IQSEC1: variants seen among roughly 807,000 people sequenced by gnomAD.
IQSEC1 encodes IQ motif and SEC7 domain-containing protein 1.
In IQSEC1, 31 loss-of-function variants were observed where a neutral mutation model predicts 91.0. The ratio of observed to expected loss-of-function variants is 0.34; its 90% CI spans 0.26 to 0.46. IQSEC1 has a LOEUF of 0.46. IQSEC1 is among the 20% of genes least tolerant of loss of function. The pLI, the probability that IQSEC1 is intolerant of heterozygous loss-of-function variation, is 1.00. For synonymous variants in IQSEC1, 699 were observed against 662.6 expected (o/e 1.05, Z -0.84); for missense variants, 1,388 against 1,575.6 (o/e 0.88, Z 2.02).
chr3:13,240,130 G>A (rs539305376), intron 1 of IQSEC1, among the ~76,000 whole-genome samples: 33 of 152,144 alleles, frequency 2.2e-4, no homozygotes, highest in African/African-American at 7.2e-4. Flanking sequence ...TATAATCCTA[G>A]CACTTTGGGA....
intron 2 of IQSEC1, among the ~76,000 whole-genome samples, chr3:13,160,692 T>C (rs1707158636): frequency 6.6e-6 from 1 of 152,242 alleles, no homozygotes; most frequent in Non-Finnish European, 1.5e-5. Flanking sequence ...AAAATATTTA[T>C]GAGTCCTGAG....
chr3:12,998,620 T>TA (rs1553674743), intron 1 of IQSEC1, among the ~76,000 whole-genome samples: 20 of 151,972 alleles, frequency 1.3e-4, no homozygotes, highest in Admixed American at 5.9e-4. Flanking sequence ...GGGTCCCTCT[T>TA]AAAAAAATTT....
At chr3:13,180,476 G>T (rs550574353) in intron 1 of IQSEC1, among the ~76,000 whole-genome samples, 8 of 152,060 alleles carry the variant, frequency 5.3e-5, no homozygotes, top group Non-Finnish European at 1.0e-4. Flanking sequence ...CAGTCCACTC[G>T]GCTCTCTGTA....
intron 1 of IQSEC1, among the ~76,000 whole-genome samples, chr3:12,988,281 G>C (rs1380435225): frequency 6.6e-6 from 1 of 152,144 alleles, no homozygotes; most frequent in Non-Finnish European, 1.5e-5. Flanking sequence ...CAGGCGTGGT[G>C]GTAGGAGCCT....
chr3:13,218,748 G>T (rs1002128824), intron 1 of IQSEC1, among the ~76,000 whole-genome samples: 14 of 152,186 alleles, frequency 9.2e-5, no homozygotes, highest in Non-Finnish European at 1.6e-4. Context: ...GGTCCTGCAG[G>T]CAATGGGGGA....
In IQSEC1 at chr3:13,008,110, T is replaced by G. The variant is rs542474270; in HGVS notation, c.23+64882A>C. On this transcript the variant is annotated intron_variant, in intron 1 of 13. Coordinates refer to ENST00000613206, the MANE Select transcript of IQSEC1 (RefSeq NM_001134382.3). This position sits in a 1 kb window ranked among gnomAD's most constrained non-coding sequence, Gnocchi z 4.1. ...GCCTGGCCTTCTGAGTGTCTGTACCTGAAGATGAAACGGGGTTACTTAGGT... is the reference window on the plus strand; with the variant it reads ...GCCTGGCCTTCTGAGTGTCTGTACCGGAAGATGAAACGGGGTTACTTAGGT... Among the ~76,000 whole-genome samples the G allele has an allele frequency of 6.6e-6, 1 of 152,294 alleles. No individual in the cohort carries two copies. The highest frequency in any genetic ancestry group is 1.9e-4 in the East Asian group (1 of 5,174).
At chr3:12,982,904 G>A (rs985327710) in intron 1 of IQSEC1, among the ~76,000 whole-genome samples, 1 of 152,260 alleles carries the variant, frequency 6.6e-6, no homozygotes, top group Admixed American at 6.5e-5. Flanking sequence ...TAGTCCAAAC[G>A]TTCCCAGCTT....
intron 1 of IQSEC1, among the ~76,000 whole-genome samples, chr3:13,026,525 T>G (rs543773345): frequency 6.6e-6 from 1 of 152,344 alleles, no homozygotes; most frequent in South Asian, 2.1e-4. Flanking sequence ...GAGGATTTGG[T>G]GAACAAAACT....
chr3:13,177,922 A>G (rs1693769906), intron 1 of IQSEC1, among the ~76,000 whole-genome samples: 1 of 152,228 alleles, frequency 6.6e-6, no homozygotes, highest in Non-Finnish European at 1.5e-5. Flanking sequence ...TGGAACTCCC[A>G]TAAGAAAAGA....
rs533176224 is a variant in IQSEC1, at chr3:13,195,561, C to T, written c.273-31428G>A. On this transcript the variant is annotated intron_variant, in intron 1 of 15. Coordinates refer to the IQSEC1 transcript ENST00000648114. ...AATCAAAAAGAATGAATTATGGATA[C>T]ACACGACAGCTTGGACAGAAGCCAA... Among the ~76,000 whole-genome samples, 3 of 152,316 alleles carry T rather than the reference C, an allele frequency of 2.0e-5. No individual in the cohort carries two copies. The South Asian group carries it at 6.2e-4, about 32-fold the overall frequency.
intron 1 of IQSEC1, among the ~76,000 whole-genome samples, chr3:13,203,288 G>A (rs1278341521): frequency 6.6e-6 from 1 of 152,180 alleles, no homozygotes; most frequent in East Asian, 1.9e-4. Flanking sequence ...CCCTGCAGCT[G>A]AGGCGTAGCA....
At chr3:12,905,109 T>C (rs1474343894) in intron 12 of IQSEC1, among the ~76,000 whole-genome samples, 1 of 152,202 alleles carries the variant, frequency 6.6e-6, no homozygotes, top group East Asian at 1.9e-4. Flanking sequence ...AGATATCCCA[T>C]GCGTACGCAG....
intron 1 of IQSEC1, among the ~76,000 whole-genome samples, chr3:13,057,641 C>T (rs1188421560): frequency 2.6e-5 from 4 of 152,348 alleles, no homozygotes; most frequent in Middle Eastern, 3.4e-3. Flanking sequence ...CAGGGTCACA[C>T]AATGAGCAAG....
chr3:13,264,241 T>C (rs1695444394), intron 1 of IQSEC1, among the ~76,000 whole-genome samples: 1 of 152,200 alleles, frequency 6.6e-6, no homozygotes, highest in African/African-American at 2.4e-5. Flanking sequence ...CCACACTGTC[T>C]GTCACAACTT....
intron 1 of IQSEC1, among the ~76,000 whole-genome samples, chr3:13,066,865 T>C (rs985227100): frequency 1.3e-5 from 2 of 152,132 alleles, no homozygotes; most frequent in African/African-American, 4.8e-5. Context: ...GGACGTGGAC[T>C]AGATGTCCAG....
chr3:12,977,722 T>C (rs1473025852), intron 1 of IQSEC1, among the ~76,000 whole-genome samples: 1 of 152,202 alleles, frequency 6.6e-6, no homozygotes, highest in African/African-American at 2.4e-5. Context: ...TGGGTTCACC[T>C]GTTTTGTAAA....
chr3:13,096,786 T>C (rs1353469100), intron 2 of IQSEC1, among the ~76,000 whole-genome samples: 2 of 151,968 alleles, frequency 1.3e-5, no homozygotes, highest in Non-Finnish European at 2.9e-5. Flanking sequence ...CCACCAGTGC[T>C]GGGCCTTCGA....
chr3:13,232,864 A>G (rs1340783912), intron 1 of IQSEC1, among the ~76,000 whole-genome samples: 2 of 152,174 alleles, frequency 1.3e-5, no homozygotes, highest in Non-Finnish European at 2.9e-5. Flanking sequence ...GCCTGAGGAC[A>G]CTATGTGAAG....
intron 1 of IQSEC1, among the ~76,000 whole-genome samples, chr3:13,060,236 T>C (rs1015066237): frequency 6.6e-6 from 1 of 152,060 alleles, no homozygotes; most frequent in African/African-American, 2.4e-5. Context: ...GTCAGCACCA[T>C]GGGAGAGTAA....
Sources: allele counts gnomAD v4.1 joint callset (sites outside exome capture counted in the v4.1 genomes callset), GRCh38; gene constraint gnomAD v4.1.1; non-coding constraint Gnocchi (gnomAD v3.1); transcripts MANE v1.5; gene names NCBI Gene and HGNC (gene_info 2026-07-23, HGNC 2026-07-21).